MBNL1: variants seen among roughly 807,000 people sequenced by gnomAD.
The protein encoded by MBNL1 is muscleblind-like protein 1.
MBNL1 carries 8 observed loss-of-function variants against 42.2 expected under a neutral mutation model. That is an observed-to-expected ratio of 0.19 (90% CI 0.11 to 0.34). The LOEUF (loss-of-function observed/expected upper bound fraction) is 0.34, where lower values mean the gene tolerates loss of function less well. MBNL1 is among the 10% of genes least tolerant of loss of function. The pLI is 1.00. For missense variants in MBNL1, 309 were observed against 495.3 expected, an observed-to-expected ratio of 0.62 and a Z score of 3.57; for synonymous variants, 169 against 173.9, an observed-to-expected ratio of 0.97 and a Z score of 0.22.
chr3:152,419,573 G>A (rs571003473), intron 3 of MBNL1, among the ~76,000 whole-genome samples: 8 of 152,296 alleles, frequency 5.3e-5, no homozygotes, highest in South Asian at 4.1e-4. Context: ...CATGGTCTTC[G>A]CAAACCGCAG....
chr3:152,446,010 T>C (rs2099219192), intron 5 of MBNL1, among the ~76,000 whole-genome samples: 2 of 152,192 alleles, frequency 1.3e-5, no homozygotes, highest in African/African-American at 4.8e-5. Flanking sequence ...TAGAATTAGC[T>C]ACAGGATTTT....
rs1230832200 is a variant in MBNL1 at position 152,463,243 on chromosome 3, A to G, written c.*877A>G. ...AAACTCTCTCAATACAGATAAACTC[A>G]CACATACTGGAGATATATATATAAT... On this transcript the variant is annotated 3_prime_UTR_variant, in exon 10 of 10. Coordinates refer to ENST00000324210, the MANE Select transcript of MBNL1 (RefSeq NM_021038.5). 6.6e-6 allele frequency: 1 copy of G among 150,998 alleles called. No individual in the cohort carries two copies. Among genetic ancestry groups the G allele is most frequent in the Non-Finnish European group, 1.5e-5 (1 of 67,700 alleles). 9.4% of individuals were successfully genotyped at this position (150,998 alleles called of 1,614,324 possible). A position where few individuals can be genotyped will look rare whatever the true frequency, so the allele number is the denominator to read the frequency against.
intron 2 of MBNL1, among the ~76,000 whole-genome samples, chr3:152,402,156 G>A (rs1045486931): frequency 6.6e-6 from 1 of 152,140 alleles, no homozygotes; most frequent in Non-Finnish European, 1.5e-5. Flanking sequence ...AGAAAAGGAT[G>A]CTTTCAAGCA....
chr3:152,369,269 A>G (rs980831245), intron 2 of MBNL1, among the ~76,000 whole-genome samples: 1 of 152,140 alleles, frequency 6.6e-6, no homozygotes, highest in African/African-American at 2.4e-5. Context: ...TGGGATAATC[A>G]TGTAGTTTTT....
intron 2 of MBNL1, among the ~76,000 whole-genome samples, chr3:152,353,917 GT>G (rs1261882566): frequency 6.6e-6 from 1 of 152,086 alleles, no homozygotes; most frequent in Non-Finnish European, 1.5e-5. Context: ...CTTCTTTTTG[GT>G]GAGTACTTTG....
intron 3 of MBNL1, among the ~76,000 whole-genome samples, chr3:152,415,592 G>A (rs1236348747): frequency 6.6e-6 from 1 of 152,062 alleles, no homozygotes. Flanking sequence ...TATAATTTAA[G>A]TTGAAATTAT....
intron 2 of MBNL1, among the ~76,000 whole-genome samples, chr3:152,392,405 C>T (rs1285788795): frequency 6.6e-6 from 1 of 152,172 alleles, no homozygotes; most frequent in South Asian, 2.1e-4. Flanking sequence ...ACAAATTGAG[C>T]CTTTTGTACA....
At chr3:152,445,941 G>C (rs2099217966) in intron 5 of MBNL1, among the ~76,000 whole-genome samples, 1 of 152,042 alleles carries the variant, frequency 6.6e-6, no homozygotes, top group African/African-American at 2.4e-5. Flanking sequence ...CATATATCTT[G>C]CTTTTAACAA....
intron 2 of MBNL1, among the ~76,000 whole-genome samples, chr3:152,396,625 G>T (rs776301737): frequency 5.9e-5 from 9 of 151,944 alleles, no homozygotes; most frequent in Admixed American, 2.6e-4. Context: ...GTTTCACAGC[G>T]CACTTCATAT....
chr3:152,292,512 C>T (rs1006840918), intron 1 of MBNL1, among the ~76,000 whole-genome samples: 1 of 152,178 alleles, frequency 6.6e-6, no homozygotes, highest in Admixed American at 6.5e-5. Context: ...GCTTAGATTA[C>T]TTATTTGCGT....
chr3:152,370,369 G>C lies in MBNL1; in HGVS notation c.175-44572G>C, dbSNP rs116533244. 2.4e-3 allele frequency among the ~76,000 whole-genome samples: 358 copies of C among 152,276 alleles called. 1 individual carries two copies. Among genetic ancestry groups the C allele is most frequent in the African/African-American group, 8.2e-3 (341 of 41,560 alleles). On this transcript the variant is annotated intron_variant, in intron 2 of 9. Transcript: ENST00000324210. Reference sequence around the variant, plus strand: ...TGATTGCACCAGGGTCCGGGAGACTGTTATGATTTCTGTTCTTTTGCACTT... The same window carrying C: ...TGATTGCACCAGGGTCCGGGAGACTCTTATGATTTCTGTTCTTTTGCACTT...
At chr3:152,389,068 A>T (rs542762278) in intron 2 of MBNL1, among the ~76,000 whole-genome samples, 14 of 152,188 alleles carry the variant, frequency 9.2e-5, no homozygotes, top group Non-Finnish European at 1.6e-4. Flanking sequence ...GTCTTTATAC[A>T]TACCCTTTTT....
rs184678715 is a variant in MBNL1 at position 152,439,875 on chromosome 3, C to T, written c.550-5407C>T. 2.6e-3 allele frequency among the ~76,000 whole-genome samples: 400 copies of T among 152,080 alleles called. 1 individual carries two copies. The highest frequency in any genetic ancestry group is 9.2e-3 in the African/African-American group (382 of 41,454). ...GTAGTAATAATAATAATAATAATAA[C>T]ATAAATGAAATAAGGTAATGGCTAA... On this transcript the variant is annotated intron_variant, in intron 4 of 9. Transcript: ENST00000324210.
chr3:152,277,285 G>A (rs767072245), intron 1 of MBNL1, among the ~76,000 whole-genome samples: 5 of 152,016 alleles, frequency 3.3e-5, no homozygotes, highest in Non-Finnish European at 5.9e-5. Flanking sequence ...TCAACGTTAG[G>A]CCTATTTTGT....
At chr3:152,399,130 T>C (rs184226516) in intron 2 of MBNL1, among the ~76,000 whole-genome samples, 2 of 152,334 alleles carry the variant, frequency 1.3e-5, no homozygotes, top group Non-Finnish European at 2.9e-5. Context: ...GTTCATTTTG[T>C]GTTTCCACTG....
At chr3:152,277,547 A>C (rs924958944) in intron 1 of MBNL1, among the ~76,000 whole-genome samples, 5 of 152,096 alleles carry the variant, frequency 3.3e-5, no homozygotes, top group Non-Finnish European at 5.9e-5. Flanking sequence ...ATCAGTCACT[A>C]TTATAAACAG....
chr3:152,340,848 T>C (rs772414146), intron 2 of MBNL1: 62 of 1,613,746 alleles, frequency 3.8e-5, no homozygotes, highest in Middle Eastern at 1.6e-4. Flanking sequence ...CAGCCAGTGC[T>C]GCATAGACAA....
chr3:152,256,194 A>G (rs1407809285), intron 2 of MBNL1, among the ~76,000 whole-genome samples: 1 of 152,206 alleles, frequency 6.6e-6, no homozygotes, highest in Non-Finnish European at 1.5e-5. Context: ...AAATTATTAC[A>G]TTTAGGTGAA....
intron 9 of MBNL1, among the ~76,000 whole-genome samples, chr3:152,461,523 A>G (rs560959453): frequency 8.4e-4 from 128 of 152,310 alleles, no homozygotes; most frequent in Non-Finnish European, 1.5e-3. Context: ...TCCAGGTTGA[A>G]AAAAATTTCT....
Sources: allele counts gnomAD v4.1 joint callset (sites outside exome capture counted in the v4.1 genomes callset), GRCh38; gene constraint gnomAD v4.1.1; transcripts MANE v1.5; gene names NCBI Gene and HGNC (gene_info 2026-07-23, HGNC 2026-07-21).